Variants in KYNU observed in about 807,000 individuals in gnomAD.
The protein encoded by KYNU is L-kynurenine hydrolase.
KYNU carries 54 observed loss-of-function variants against 59.2 expected under a neutral mutation model. The observed-to-expected ratio is 0.91, with a 90% CI of 0.73 to 1.14. The LOEUF (loss-of-function observed/expected upper bound fraction) is 1.14, where lower values mean the gene tolerates loss of function less well. KYNU is among the 50% of genes most tolerant of loss of function. The probability of loss-of-function intolerance (pLI) is 0.00; values close to 1 mark genes in which losing one functional copy is unlikely to be tolerated. For synonymous variants in KYNU, 177 were observed against 192.0 expected (o/e 0.92, Z 0.65); for missense variants, 567 against 554.4 (o/e 1.02, Z -0.23).
chr2:142,984,392 C>A (rs1685138688), intron 8 of KYNU, among the ~76,000 whole-genome samples: 1 of 151,924 alleles, frequency 6.6e-6, no homozygotes, highest in Non-Finnish European at 1.5e-5. Context: ...TCATTGGCAG[C>A]AAATATTATA....
In KYNU at chr2:143,036,935, G is replaced by A. The variant is rs189083038; in HGVS notation, c.1042-3493G>A. ...ACACAGTCAAATACGAACTGGAGGA[G>A]AGATTCTATACTTAAGAATCAATCA... On this transcript the variant is annotated intron_variant, in intron 12 of 13. Coordinates refer to ENST00000264170, the MANE Select transcript of KYNU (RefSeq NM_003937.3). Among the ~76,000 whole-genome samples, 615 of 152,218 alleles carry A rather than the reference G, an allele frequency of 4.0e-3. 1 individual carries two copies. Among genetic ancestry groups the A allele is most frequent in the Non-Finnish European group, 5.8e-3 (395 of 68,006 alleles).
chr2:142,951,860 T>G (rs1472966119), intron 4 of KYNU, among the ~76,000 whole-genome samples: 2 of 152,214 alleles, frequency 1.3e-5, no homozygotes, highest in Non-Finnish European at 2.9e-5. Context: ...CAGGAAGGGA[T>G]TATTTACAAA....
chr2:142,896,151 G>A (rs915376051), intron 2 of KYNU, among the ~76,000 whole-genome samples: 11 of 152,164 alleles, frequency 7.2e-5, no homozygotes, highest in African/African-American at 2.2e-4. Flanking sequence ...AATGCTATAA[G>A]TTGATTGCTG....
intron 3 of KYNU, among the ~76,000 whole-genome samples, chr2:142,925,696 G>T (rs923596796): frequency 2.6e-5 from 4 of 152,122 alleles, no homozygotes; most frequent in Admixed American, 2.6e-4. Context: ...CAGAATTTCT[G>T]TTGGTAGTAT....
chr2:142,938,957 C>A (rs1683486055), intron 4 of KYNU, among the ~76,000 whole-genome samples: 1 of 151,150 alleles, frequency 6.6e-6, no homozygotes, highest in Non-Finnish European at 1.5e-5. Flanking sequence ...CCCGTCTCTA[C>A]AAAATAAATA....
chr2:142,946,046 C>T (rs1164936729), intron 4 of KYNU, among the ~76,000 whole-genome samples: 1 of 151,630 alleles, frequency 6.6e-6, no homozygotes, highest in Non-Finnish European at 1.5e-5. Context: ...GGCCTTTTTT[C>T]CAAATTTTTA....
chr2:142,955,684 A>C (rs2105086008), intron 5 of KYNU, among the ~76,000 whole-genome samples: 1 of 152,170 alleles, frequency 6.6e-6, no homozygotes, highest in South Asian at 2.1e-4. Context: ...AGTGATCAAC[A>C]CTCAGTTAAC....
chr2:142,895,928 T>C (rs1473743553), intron 2 of KYNU, among the ~76,000 whole-genome samples: 2 of 152,196 alleles, frequency 1.3e-5, no homozygotes, highest in African/African-American at 2.4e-5. Context: ...GCAGTCCTTA[T>C]TCCTTGGCCT....
chr2:143,005,834 G>T (rs1685863474), intron 10 of KYNU, among the ~76,000 whole-genome samples: 2 of 152,090 alleles, frequency 1.3e-5, no homozygotes, highest in South Asian at 4.1e-4. Context: ...ACAAAGACCA[G>T]TCTGAATAGA....
chr2:142,902,578 T>A (rs1280654529), intron 2 of KYNU, among the ~76,000 whole-genome samples: 1 of 152,238 alleles, frequency 6.6e-6, no homozygotes, highest in African/African-American at 2.4e-5. Flanking sequence ...CTGGATACAT[T>A]TCTTACTGAG....
intron 2 of KYNU, among the ~76,000 whole-genome samples, chr2:142,918,255 C>G (rs1290415469): frequency 6.6e-6 from 1 of 152,144 alleles, no homozygotes; most frequent in East Asian, 1.9e-4. Flanking sequence ...TGGTAATCTT[C>G]TTATACAATT....
intron 3 of KYNU, among the ~76,000 whole-genome samples, chr2:142,925,049 G>A (rs1410407983): frequency 2.6e-5 from 4 of 152,166 alleles, no homozygotes; most frequent in Admixed American, 2.6e-4. Flanking sequence ...CCAGAGTAAG[G>A]AGTAGGTGGC....
At chr2:142,957,227 C>T (rs1212309379) in intron 6 of KYNU, among the ~76,000 whole-genome samples, 1 of 152,076 alleles carries the variant, frequency 6.6e-6, no homozygotes, top group African/African-American at 2.4e-5. Flanking sequence ...ATCTGGTACT[C>T]TTAATGAAGT....
At chr2:143,014,407 T>G (rs973841086) in intron 10 of KYNU, among the ~76,000 whole-genome samples, 2 of 152,242 alleles carry the variant, frequency 1.3e-5, no homozygotes, top group African/African-American at 4.8e-5. Flanking sequence ...AATTAATGGG[T>G]TAGATCCATT....
intron 8 of KYNU, among the ~76,000 whole-genome samples, chr2:142,974,900 T>A (rs1684840521): frequency 6.6e-6 from 1 of 152,138 alleles, no homozygotes; most frequent in African/African-American, 2.4e-5. Context: ...CACAGGACAT[T>A]CCCTTCATAT....
intron 2 of KYNU, among the ~76,000 whole-genome samples, chr2:142,911,762 T>C (rs907116419): frequency 1.3e-5 from 2 of 152,164 alleles, no homozygotes; most frequent in Admixed American, 1.3e-4. Flanking sequence ...TGAAGGGATA[T>C]TGGATTTTAC....
chr2:142,988,645 G>A (rs180873238), intron 10 of KYNU, among the ~76,000 whole-genome samples: 31 of 151,996 alleles, frequency 2.0e-4, no homozygotes, highest in African/African-American at 7.5e-4. Context: ...TTTAGCCATG[G>A]AAATTTATGG....
At chr2:143,020,634 G>A (rs982361867) in intron 10 of KYNU, among the ~76,000 whole-genome samples, 3 of 152,164 alleles carry the variant, frequency 2.0e-5, no homozygotes, top group Non-Finnish European at 4.4e-5. Context: ...GTAAGTGTCT[G>A]TTAGGTCCAT....
intron 8 of KYNU, among the ~76,000 whole-genome samples, chr2:142,973,629 CA>C (rs1684801644): frequency 6.6e-6 from 1 of 152,268 alleles, no homozygotes; most frequent in South Asian, 2.1e-4. Context: ...TTGGGAAACA[CA>C]GCTGCAAACC....
Sources: gnomAD v4.1 joint callset for allele counts (sites outside exome capture counted in the v4.1 genomes callset) on GRCh38, gnomAD v4.1.1 for gene constraint, MANE v1.5 for transcripts, NCBI Gene and HGNC (gene_info 2026-07-23, HGNC 2026-07-21) for gene names.